PPP2R1B: variants seen among roughly 807,000 people sequenced by gnomAD.
The protein encoded by PPP2R1B is serine/threonine-protein phosphatase 2A 65 kDa regulatory subunit A beta isoform.
PPP2R1B carries 58 observed loss-of-function variants against 72.7 expected under a neutral mutation model. That is an observed-to-expected ratio of 0.80 (90% confidence interval 0.65 to 0.99). The LOEUF (loss-of-function observed/expected upper bound fraction) is 0.99. Ranked by LOEUF, PPP2R1B falls within the 50% of genes least tolerant of loss-of-function variation. PPP2R1B has a pLI of 0.00. For missense variants in PPP2R1B, 695 were observed against 733.6 expected (o/e 0.95, Z 0.61); for synonymous variants, 256 against 264.6 (o/e 0.97, Z 0.32).
At chr11:111,736,705 A>C (rs1944350645), downstream of PPP2R1B, among the ~76,000 whole-genome samples, 1 of 152,236 alleles carries the variant, frequency 6.6e-6, no homozygotes. Flanking sequence ...GGTTCACATA[A>C]AATGAAAAGC....
the PPP2R1B span, among the ~76,000 whole-genome samples, chr11:111,712,819 C>A: frequency 3.9e-5 from 6 of 152,172 alleles, no homozygotes. Flanking sequence ...GATGGGCCGT[C>A]TTTTGTGATC....
the PPP2R1B span, among the ~76,000 whole-genome samples, chr11:111,690,942 T>G: frequency 3.3e-5 from 5 of 152,044 alleles, no homozygotes; most frequent in Non-Finnish European, 4.4e-5. Context: ...GTTCTAGGAG[T>G]TTTTTTAGGC....
At chr11:111,723,909 C>G (rs776104142), downstream of PPP2R1B, 9 of 1,613,762 alleles carry the variant, frequency 5.6e-6, no homozygotes, top group South Asian at 9.9e-5. Flanking sequence ...CTGCCAAGCG[C>G]TGCTTCCCCT....
Position 111,738,466 on chromosome 11 carries a change from A to C in PPP2R1B, c.*3130T>G, listed in dbSNP as rs1944407230. 1 of 985,360 alleles carries C rather than the reference A, an allele frequency of 1.0e-6. No homozygotes were observed. The highest frequency in any genetic ancestry group is 1.7e-5 in the African/African-American group (1 of 57,248). The allele number at this position is 985,360 out of a possible 1,614,324, so 61.0% of individuals were successfully genotyped here. ...GTTAACAAAGGAACAAAAGTGCACC[A>C]GGTTAACCGCCGGGTCAGGAAGGAC... On this transcript the variant is annotated 3_prime_UTR_variant, in exon 15 of 15. Coordinates refer to ENST00000527614, the MANE Select transcript of PPP2R1B (RefSeq NM_002716.5).
At chr11:111,724,807 C>G (rs906089567), downstream of PPP2R1B, 2 of 152,410 alleles carry the variant, frequency 1.3e-5, no homozygotes, top group African/African-American at 4.8e-5. Flanking sequence ...CAGAAGGTGC[C>G]CTGGGTTGCC....
In PPP2R1B at chr11:111,741,563, A is replaced by T; in HGVS notation, c.*33T>A. On this transcript the variant is annotated 3_prime_UTR_variant, in exon 15 of 15. Coordinates refer to ENST00000527614, the MANE Select transcript of PPP2R1B (RefSeq NM_002716.5). ...CATTGACTAGAAATTTGTGACAAGA[A>T]TCTAGTAAAGGCCTTTTCCCTCCTG... 1 of 1,608,462 alleles carries T rather than the reference A, an allele frequency of 6.2e-7. No homozygotes were observed. Among genetic ancestry groups the T allele is most frequent in the South Asian group, 1.1e-5 (1 of 89,480 alleles).
chr11:111,692,607 T>A, the PPP2R1B span, among the ~76,000 whole-genome samples: 1 of 152,142 alleles, frequency 6.6e-6, no homozygotes, highest in Non-Finnish European at 1.5e-5. Flanking sequence ...TGGATTCCAA[T>A]GTCTTTAAAG....
At chr11:111,747,289 A>T (rs1944736648) in intron 11 of PPP2R1B, among the ~76,000 whole-genome samples, 1 of 152,194 alleles carries the variant, frequency 6.6e-6, no homozygotes, top group Non-Finnish European at 1.5e-5. Context: ...CTGGCACACA[A>T]GGGGATACAC....
chr11:111,744,789 G>A (rs1437957907), intron 11 of PPP2R1B, among the ~76,000 whole-genome samples: 1 of 152,120 alleles, frequency 6.6e-6, no homozygotes, highest in African/African-American at 2.4e-5. Context: ...ATCCTTCTGG[G>A]CAATGATGTT....
Position 111,740,828 on chromosome 11 carries a change from T to C in PPP2R1B, c.*768A>G. ...CTGCAATCTCACAATGAAACAAACATACTGCTTATTAGGAGGCACTACAGT... is the reference window on the plus strand; with the variant it reads ...CTGCAATCTCACAATGAAACAAACACACTGCTTATTAGGAGGCACTACAGT... On this transcript the variant is annotated 3_prime_UTR_variant, in exon 15 of 15. Coordinates refer to ENST00000527614, the MANE Select transcript of PPP2R1B (RefSeq NM_002716.5). 1.0e-6 allele frequency: 1 copy of C among 985,364 alleles called. No individual in the cohort carries two copies. Among genetic ancestry groups the C allele is most frequent in the Non-Finnish European group, 1.2e-6 (1 of 829,862 alleles). The allele number at this position is 985,364 out of a possible 1,614,324, so 61.0% of individuals were successfully genotyped here. A position where few individuals can be genotyped will look rare whatever the true frequency, so the allele number is the denominator to read the frequency against.
rs1455383997 is a variant in PPP2R1B, at chr11:111,739,438, T to C, written c.*2158A>G. On this transcript the variant is annotated 3_prime_UTR_variant, in exon 15 of 15. Coordinates refer to ENST00000527614, the MANE Select transcript of PPP2R1B (RefSeq NM_002716.5). ...CTCTGAAGAGTACCAAAACAAATTC[T>C]CTCTCTATTGCTTAAGTCAGAAGGA... 1 of 985,152 alleles carries C rather than the reference T, an allele frequency of 1.0e-6. No individual in the cohort carries two copies. Among genetic ancestry groups the C allele is most frequent in the Non-Finnish European group, 1.2e-6 (1 of 829,852 alleles). 61.0% of individuals were successfully genotyped at this position (985,152 alleles called of 1,614,324 possible).
At chr11:111,721,649 T>A in the PPP2R1B span, among the ~76,000 whole-genome samples, 1 of 152,220 alleles carries the variant, frequency 6.6e-6, no homozygotes, top group African/African-American at 2.4e-5. Context: ...AGATAATACA[T>A]GCATAAATGT....
chr11:111,703,143 C>A, the PPP2R1B span: 3 of 1,497,466 alleles, frequency 2.0e-6, no homozygotes, highest in Non-Finnish European at 2.8e-6. Flanking sequence ...ATGAGTCAAG[C>A]AAATAACCCT....
intron 1 of PPP2R1B, 88 bp downstream of exon 1, chr11:111,766,160 G>A: frequency 4.6e-6 from 6 of 1,318,562 alleles, no homozygotes; most frequent in Non-Finnish European, 6.5e-6. Flanking sequence ...TCAGTACCTC[G>A]GCCACCCCCA....
At position 111,747,410 on chromosome 11, in the gene PPP2R1B, A is replaced by G. The variant is rs544390476; in HGVS notation, c.1399+544T>C. 2.8e-4 allele frequency among the ~76,000 whole-genome samples: 42 copies of G among 152,346 alleles called. No individual in the cohort carries two copies. In the South Asian group the frequency reaches 8.1e-3, roughly 29 times the overall value. On this transcript the variant is annotated intron_variant, in intron 11 of 14. Transcript: ENST00000527614. The stretch of plus-strand genomic sequence containing the variant: ...CTAGCACTGTAGCAGCAGCAGTGAG[A>G]GTACAAGCAGTAAGCCTTCCTTTCA...
At chr11:111,763,274 G>A (rs964730288) in intron 3 of PPP2R1B, among the ~76,000 whole-genome samples, 2 of 152,208 alleles carry the variant, frequency 1.3e-5, no homozygotes, top group African/African-American at 4.8e-5. Context: ...TGACCAATGT[G>A]AATGGAAGAG....
rs765600270 is a variant in PPP2R1B at position 111,739,121 on chromosome 11, G to A, written c.*2475C>T. Reference sequence around the variant, plus strand: ...TCAGTGGGAGAATAAGACACAGTCTGGTTCTTTTGATTATTTGTTCCATGC... The same window carrying A: ...TCAGTGGGAGAATAAGACACAGTCTAGTTCTTTTGATTATTTGTTCCATGC... On this transcript the variant is annotated 3_prime_UTR_variant, in exon 15 of 15. Coordinates refer to ENST00000527614, the MANE Select transcript of PPP2R1B (RefSeq NM_002716.5). 8.1e-6 allele frequency: 8 copies of A among 985,304 alleles called. No homozygotes were observed. The highest frequency in any genetic ancestry group is 9.6e-6 in the Non-Finnish European group (8 of 829,908). The allele number at this position is 985,304 out of a possible 1,614,324, so 61.0% of individuals were successfully genotyped here.
downstream of PPP2R1B, among the ~76,000 whole-genome samples, chr11:111,734,626 C>A (rs1157315641): frequency 1.3e-5 from 2 of 152,248 alleles, no homozygotes; most frequent in Admixed American, 1.3e-4. Context: ...ATTGCCTTAG[C>A]TGGAAGCCAC....
chr11:111,739,591 A>C lies in PPP2R1B; in HGVS notation c.*2005T>G. The C allele has an allele frequency of 2.0e-6, 2 of 985,486 alleles. No homozygotes were observed. Among genetic ancestry groups the C allele is most frequent in the Non-Finnish European group, 2.4e-6 (2 of 829,936 alleles). 61.0% of individuals were successfully genotyped at this position (985,486 alleles called of 1,614,324 possible). On this transcript the variant is annotated 3_prime_UTR_variant, in exon 15 of 15. Coordinates refer to ENST00000527614, the MANE Select transcript of PPP2R1B (RefSeq NM_002716.5). The stretch of plus-strand genomic sequence containing the variant: ...TTTTAGGGTAGAGAAGTCAATGCTT[A>C]GGGCTCCTCACTGGGAGACACAAGG...
Sources: allele counts gnomAD v4.1 joint callset (sites outside exome capture counted in the v4.1 genomes callset), GRCh38; gene constraint gnomAD v4.1.1; transcripts MANE v1.5; gene names NCBI Gene and HGNC (gene_info 2026-07-23, HGNC 2026-07-21).